DYNC1I1: variants seen among roughly 807,000 people sequenced by gnomAD.
The protein encoded by DYNC1I1 is dynein cytoplasmic 1 intermediate chain 1, also known as cytoplasmic dynein 1 intermediate chain 1.
In DYNC1I1, 43 loss-of-function variants were observed where a neutral mutation model predicts 86.6. The observed-to-expected ratio is 0.50, with a 90% CI of 0.39 to 0.64. DYNC1I1 has a LOEUF of 0.64. Among genes scored for constraint, DYNC1I1 ranks in the 30% least tolerant of loss-of-function variants. The pLI is 0.00. For missense variants in DYNC1I1, 604 were observed against 788.8 expected, an observed-to-expected ratio of 0.77 and a Z score of 2.81; for synonymous variants, 262 against 283.7, an observed-to-expected ratio of 0.92 and a Z score of 0.77.
intron 6 of DYNC1I1, among the ~76,000 whole-genome samples, chr7:95,938,726 T>C (rs562433554): frequency 3.3e-5 from 5 of 152,152 alleles, no homozygotes; most frequent in African/African-American, 1.2e-4. Context: ...TTTTGTAAAT[T>C]ATTAAGTGCT....
intron 6 of DYNC1I1, among the ~76,000 whole-genome samples, chr7:95,897,588 G>A (rs10237844): frequency 0.93 from 141,818 of 152,176 alleles, 66,451 homozygotes; most frequent in Non-Finnish European, 0.98. Context: ...TGGAATGAGT[G>A]GTCCTCCCTG....
At chr7:95,774,277 G>A (rs1387597163) in intron 1 of DYNC1I1, among the ~76,000 whole-genome samples, 2 of 152,056 alleles carry the variant, frequency 1.3e-5, no homozygotes, top group Non-Finnish European at 2.9e-5. Flanking sequence ...CAGCATCTCA[G>A]CATTTTACTT....
intron 14 of DYNC1I1, among the ~76,000 whole-genome samples, chr7:96,065,122 A>AATTAATCTT: frequency 6.6e-6 from 1 of 152,240 alleles, no homozygotes; most frequent in East Asian, 1.9e-4. Context: ...ACCACCCTCA[A>AATTAATCTT]CCAACCATAT....
intron 5 of DYNC1I1, among the ~76,000 whole-genome samples, chr7:95,849,038 T>C (rs1000561879): frequency 2.6e-5 from 4 of 152,196 alleles, no homozygotes; most frequent in Admixed American, 6.5e-5. Flanking sequence ...TTTAAAGAGA[T>C]GTCTACTCAG....
chr7:96,008,728 C>T (rs972946577), intron 10 of DYNC1I1, among the ~76,000 whole-genome samples: 2 of 152,112 alleles, frequency 1.3e-5, no homozygotes, highest in Non-Finnish European at 2.9e-5. Flanking sequence ...TTCTCATCAA[C>T]AGAAAACTGA....
intron 10 of DYNC1I1, among the ~76,000 whole-genome samples, chr7:96,010,401 C>A (rs1199215718): frequency 6.6e-6 from 1 of 152,154 alleles, no homozygotes; most frequent in African/African-American, 2.4e-5. Flanking sequence ...ACCTCAAGAT[C>A]CTGCAAATGT....
intron 11 of DYNC1I1, among the ~76,000 whole-genome samples, chr7:96,028,808 G>T (rs971446422): frequency 1.3e-5 from 2 of 152,166 alleles, no homozygotes; most frequent in Non-Finnish European, 2.9e-5. Flanking sequence ...AAAGTCTACA[G>T]TGACAATATA....
At chr7:96,054,457 G>A (rs1176010080) in intron 14 of DYNC1I1, among the ~76,000 whole-genome samples, 1 of 152,176 alleles carries the variant, frequency 6.6e-6, no homozygotes, top group Non-Finnish European at 1.5e-5. Context: ...ACATGTGCAT[G>A]TGTCTTATAG....
chr7:95,878,413 C>A (rs1160164091), intron 6 of DYNC1I1, among the ~76,000 whole-genome samples: 2 of 151,996 alleles, frequency 1.3e-5, no homozygotes, highest in East Asian at 3.9e-4. Flanking sequence ...AATGTAAATT[C>A]TAGAGTTCAG....
At chr7:96,034,414 C>G (rs528672710) in intron 12 of DYNC1I1, among the ~76,000 whole-genome samples, 1 of 152,252 alleles carries the variant, frequency 6.6e-6, no homozygotes, top group African/African-American at 2.4e-5. Flanking sequence ...TATGGTGGCT[C>G]TAAGTCCGTT....
intron 10 of DYNC1I1, among the ~76,000 whole-genome samples, chr7:96,019,871 C>A (rs13222154): frequency 1.3e-5 from 2 of 152,006 alleles, no homozygotes; most frequent in Non-Finnish European, 2.9e-5. Context: ...AGAGATTTTT[C>A]TTCGAATCAG....
chr7:95,924,555 G>C lies in DYNC1I1; in HGVS notation c.491-52957G>C, dbSNP rs186604893. Among the ~76,000 whole-genome samples, 60 of 152,258 alleles carry C rather than the reference G, an allele frequency of 3.9e-4. No homozygotes were observed. The East Asian group carries it at 9.8e-3, about 25-fold the overall frequency. Reference sequence around the variant, plus strand: ...TGTGGCTTGCATTGTATGTCCATCGGACAGCAGTGAGCTAGATGGGATATG... The same window carrying C: ...TGTGGCTTGCATTGTATGTCCATCGCACAGCAGTGAGCTAGATGGGATATG... On this transcript the variant is annotated intron_variant, in intron 6 of 16. Coordinates refer to ENST00000447467, the MANE Select transcript of DYNC1I1 (RefSeq NM_001135556.2).
chr7:95,937,994 T>C (rs954647959), intron 6 of DYNC1I1, among the ~76,000 whole-genome samples: 5 of 152,074 alleles, frequency 3.3e-5, no homozygotes, highest in African/African-American at 9.7e-5. Context: ...ACCCATCTCC[T>C]CCAGTGAGTG....
At chr7:95,900,647 T>C (rs1350079831) in intron 6 of DYNC1I1, among the ~76,000 whole-genome samples, 1 of 152,144 alleles carries the variant, frequency 6.6e-6, no homozygotes, top group Non-Finnish European at 1.5e-5. Context: ...TTAGGGAAAA[T>C]ACGAGGGTTT....
At chr7:95,984,788 C>A in intron 7 of DYNC1I1, 27 bp from the exon 8 acceptor site, 9 of 1,554,132 alleles carry the variant, frequency 5.8e-6, no homozygotes, top group Non-Finnish European at 6.0e-6. Flanking sequence ...CTAACAATCT[C>A]TTTTACAAAA....
chr7:96,024,255 G>C (rs1794622320), intron 10 of DYNC1I1, among the ~76,000 whole-genome samples: 1 of 152,012 alleles, frequency 6.6e-6, no homozygotes. Context: ...CTACTTGATT[G>C]GTTTTTCTTT....
chr7:95,879,164 G>T (rs1466575581), intron 6 of DYNC1I1, among the ~76,000 whole-genome samples: 1 of 152,144 alleles, frequency 6.6e-6, no homozygotes, highest in Admixed American at 6.6e-5. Flanking sequence ...AAGAGCACAA[G>T]TAGAGGTAGC....
At chr7:95,909,346 CTTG>C (rs1461210405) in intron 6 of DYNC1I1, among the ~76,000 whole-genome samples, 1 of 151,836 alleles carries the variant, frequency 6.6e-6, no homozygotes, top group Non-Finnish European at 1.5e-5. Context: ...CTGTGAGAAC[CTTG>C]TTGTTGGAAA....
chr7:95,968,663 C>T (rs1348176836), intron 6 of DYNC1I1, among the ~76,000 whole-genome samples: 3 of 152,064 alleles, frequency 2.0e-5, no homozygotes, highest in East Asian at 1.9e-4. Flanking sequence ...CAGATTTGCA[C>T]ATTGGGAAGA....
Sources: allele counts gnomAD v4.1 joint callset (sites outside exome capture counted in the v4.1 genomes callset), GRCh38; gene constraint gnomAD v4.1.1; transcripts MANE v1.5; gene names NCBI Gene and HGNC (gene_info 2026-07-23, HGNC 2026-07-21).